Variants in CFHR5 observed in about 807,000 individuals in gnomAD.
CFHR5 encodes the protein complement factor H-related protein 5.
Under a neutral mutation model 62.9 loss-of-function variants are expected in CFHR5, and 73 were observed. That is an observed-to-expected ratio of 1.16 (90% CI 0.96 to 1.41). CFHR5 has a LOEUF of 1.41. Ranked by LOEUF, CFHR5 falls within the 40% of genes most tolerant of loss-of-function variation. CFHR5 has a pLI of 0.00. For missense variants in CFHR5, 779 were observed against 679.9 expected, an observed-to-expected ratio of 1.15 and a Z score of -1.62; for synonymous variants, 249 against 227.2, an observed-to-expected ratio of 1.10 and a Z score of -0.86.
chr1:196,984,637 A>G (rs1387637423), intron 3 of CFHR5, among the ~76,000 whole-genome samples: 1 of 152,174 alleles, frequency 6.6e-6, no homozygotes, highest in African/African-American at 2.4e-5. Flanking sequence ...AGCCTGTGGT[A>G]TAAATGATGG....
chr1:197,003,319 C>A (rs1397044782), intron 8 of CFHR5, among the ~76,000 whole-genome samples: 3 of 152,042 alleles, frequency 2.0e-5, no homozygotes, highest in Non-Finnish European at 4.4e-5. Context: ...CCTAAGAGGC[C>A]ACAGAGGGTA....
At chr1:196,995,313 G>A (rs923768227) in intron 4 of CFHR5, among the ~76,000 whole-genome samples, 2 of 150,300 alleles carry the variant, frequency 1.3e-5, no homozygotes, top group African/African-American at 4.9e-5. Flanking sequence ...TATTAATTTG[G>A]TGAAATGTAA....
At chr1:196,988,175 G>C (rs922473113) in intron 3 of CFHR5, among the ~76,000 whole-genome samples, 1 of 152,100 alleles carries the variant, frequency 6.6e-6, no homozygotes, top group Admixed American at 6.5e-5. Flanking sequence ...CTGTCTGTCT[G>C]TTATTGGTGT....
upstream of CFHR5, among the ~76,000 whole-genome samples, chr1:196,976,959 C>T (rs547345362): frequency 7.2e-5 from 11 of 151,844 alleles, no homozygotes; most frequent in African/African-American, 2.4e-4. Context: ...CGCCCGCCAC[C>T]ACGCCTGGCT....
rs1571527604 is a variant in CFHR5 at position 197,002,524 on chromosome 1, A to G, written c.1190A>G (p.Asn397Ser). Reference sequence around the variant, plus strand: ...TGCCCACCGCCACCTCAGATACCTAATGCTCAGAATATGACAACCACAGTG... The same window carrying G: ...TGCCCACCGCCACCTCAGATACCTAGTGCTCAGAATATGACAACCACAGTG... ...QFCPPPPQIP[N>S]AQNMTTTVNY... The change falls in exon 8 of 10, where the codon AAT becomes AGT. Residue 397 changes from asparagine (N) to serine (S), a missense_variant. Physicochemically the swap from Asn to Ser is conservative, Grantham distance 46 (BLOSUM62 1). Transcript: ENST00000256785. 2 of 1,613,654 alleles carry G rather than the reference A, an allele frequency of 1.2e-6. No individual in the cohort carries two copies. Among genetic ancestry groups the G allele is most frequent in the Non-Finnish European group, 1.7e-6 (2 of 1,179,754 alleles).
Position 197,002,657 on chromosome 1 carries a change from C to G in CFHR5, c.1323C>G (p.Arg441=). Residue 441 remains arginine (R), a synonymous_variant, in exon 8 of 10, where the codon CGC becomes CGG. Coordinates refer to ENST00000256785, the MANE Select transcript of CFHR5 (RefSeq NM_030787.4). ...CKDGRWQSLP[R]CVESTAYCGP... The stretch of plus-strand genomic sequence containing the variant: ...ATGGACGATGGCAATCATTACCACG[C>G]TGTGTTGGTTAGTAGTTTATTTCTA... The G allele has an allele frequency of 6.2e-7, 1 of 1,611,932 alleles. No individual in the cohort carries two copies. Among genetic ancestry groups the G allele is most frequent in the Non-Finnish European group, 8.5e-7 (1 of 1,178,318 alleles).
chr1:196,991,145 A>G (rs1653838545), intron 3 of CFHR5, among the ~76,000 whole-genome samples: 1 of 151,984 alleles, frequency 6.6e-6, no homozygotes, highest in Non-Finnish European at 1.5e-5. Context: ...TTTCTTCCAC[A>G]TGATCAAATC....
At chr1:197,007,062 C>A (rs1654308133) in intron 9 of CFHR5, among the ~76,000 whole-genome samples, 1 of 151,708 alleles carries the variant, frequency 6.6e-6, no homozygotes, top group Admixed American at 6.6e-5. Flanking sequence ...GTCTTGAACT[C>A]TTGACCTCAT....
chr1:196,987,290 A>G (rs1216644078), intron 3 of CFHR5, among the ~76,000 whole-genome samples: 2 of 151,976 alleles, frequency 1.3e-5, no homozygotes, highest in South Asian at 4.1e-4. Context: ...GATTGCAAAG[A>G]TTTTCTCCCA....
chr1:196,977,330 C>T (rs929445012), upstream of CFHR5, among the ~76,000 whole-genome samples: 2 of 150,492 alleles, frequency 1.3e-5, no homozygotes, highest in East Asian at 3.9e-4. Context: ...CGGTGGGGAG[C>T]TTCCTCTCTC....
chr1:196,990,917 G>T (rs189413268), intron 3 of CFHR5, among the ~76,000 whole-genome samples: 6 of 152,200 alleles, frequency 3.9e-5, no homozygotes, highest in Admixed American at 3.9e-4. Flanking sequence ...GACCTGCCTT[G>T]CTAGGTTAAG....
intron 3 of CFHR5, 105 bp from the exon 4 acceptor site, chr1:196,993,975 T>C (rs1169409496): frequency 3.5e-6 from 3 of 851,120 alleles, no homozygotes; most frequent in Non-Finnish European, 1.9e-6. Flanking sequence ...AGAATATATT[T>C]TATACTCTGT....
chr1:196,994,387 G>C (rs1653934716), intron 4 of CFHR5, 131 bp downstream of exon 4: 1 of 742,818 alleles, frequency 1.3e-6, no homozygotes, highest in Non-Finnish European at 2.3e-6. Context: ...AAAGGATGCA[G>C]TTCTATAGTA....
intron 9 of CFHR5, among the ~76,000 whole-genome samples, chr1:197,005,592 C>T (rs1157800612): frequency 6.6e-6 from 1 of 152,062 alleles, no homozygotes; most frequent in Non-Finnish European, 1.5e-5. Flanking sequence ...GAATTAATAA[C>T]ACCAATTATG....
chr1:196,986,493 A>G (rs1368052863), intron 3 of CFHR5, among the ~76,000 whole-genome samples: 1 of 151,912 alleles, frequency 6.6e-6, no homozygotes, highest in African/African-American at 2.4e-5. Context: ...TACATTATGT[A>G]TTTTGCCTAA....
intron 7 of CFHR5, among the ~76,000 whole-genome samples, chr1:196,999,722 T>TATATATATATATATAC (rs1164729053): frequency 1.7e-5 from 2 of 116,198 alleles, no homozygotes; most frequent in African/African-American, 6.9e-5. Context: ...TATATATATA[T>TATATATATATATATAC]ACACACACAC....
chr1:196,998,351 A>T, intron 7 of CFHR5, 47 bp downstream of exon 7: 4 of 1,438,718 alleles, frequency 2.8e-6, no homozygotes, highest in Non-Finnish European at 3.9e-6. Flanking sequence ...CTTCTTTACA[A>T]GAAAAATTAT....
upstream of CFHR5, among the ~76,000 whole-genome samples, chr1:196,977,275 A>G (rs935219224): frequency 2.0e-5 from 3 of 148,024 alleles, no homozygotes; most frequent in Non-Finnish European, 4.4e-5. Context: ...CTTTTGAAAC[A>G]GCTGAACCCT....
Position 197,002,480 on chromosome 1 carries a change from A to G in CFHR5, c.1148-2A>G, listed in dbSNP as rs1441038126. The G allele has an allele frequency of 6.2e-7, 1 of 1,609,724 alleles. No individual in the cohort carries two copies. Among genetic ancestry groups the G allele is most frequent in the South Asian group, 1.1e-5 (1 of 90,834 alleles). ...ATATAATTTAATTCCAATATTTTGT[A>G]GAAAAAAGGGAACAATTCTGCCCAC... is the stretch of plus-strand genomic sequence containing the variant. On this transcript the variant is annotated splice_acceptor_variant, in intron 7 of 9. Coordinates refer to ENST00000256785, the MANE Select transcript of CFHR5 (RefSeq NM_030787.4). LOFTEE classifies it high-confidence loss of function.
Sources: gnomAD v4.1 joint callset for allele counts (sites outside exome capture counted in the v4.1 genomes callset) on GRCh38, gnomAD v4.1.1 for gene constraint, MANE v1.5 for transcripts, NCBI Gene and HGNC (gene_info 2026-07-23, HGNC 2026-07-21) for gene names.